MDH1: variants seen among roughly 807,000 people sequenced by gnomAD.
The protein encoded by MDH1 is malate dehydrogenase 1, also known as malate dehydrogenase, cytoplasmic.
MDH1 carries 15 observed loss-of-function variants against 38.7 expected under a neutral mutation model. The ratio of observed to expected loss-of-function variants is 0.39; its 90% CI spans 0.26 to 0.60. The LOEUF (loss-of-function observed/expected upper bound fraction) is 0.60. MDH1 is among the 20% of genes least tolerant of loss of function. MDH1 has a pLI of 0.56. For synonymous variants in MDH1, 144 were observed against 143.6 expected, an observed-to-expected ratio of 1.00 and a Z score of -0.02; for missense variants, 368 against 405.2, an observed-to-expected ratio of 0.91 and a Z score of 0.79.
At chr2:63,595,646 CACTGTTTATT>C (rs1709296123) in intron 3 of MDH1, 127 bp downstream of exon 3, 1 of 646,132 alleles carries the variant, frequency 1.5e-6, no homozygotes, top group African/African-American at 1.8e-5. Context: ...TTTGAACTAC[CACTGTTTATT>C]AACTACTTAT....
chr2:63,606,149 A>C, intron 8 of MDH1, 121 bp downstream of exon 8: 1 of 935,452 alleles, frequency 1.1e-6, no homozygotes, highest in South Asian at 1.4e-5. Flanking sequence ...TGGAAGGGCA[A>C]GGTGGCAAGA....
At chr2:63,590,193 T>C (rs941965087) in intron 1 of MDH1, 1 of 152,224 alleles carries the variant, frequency 6.6e-6, no homozygotes, top group Non-Finnish European at 1.5e-5. Context: ...GCAGAGGTAC[T>C]TATTATCTGA....
intron 1 of MDH1, 59 bp downstream of exon 1, chr2:63,589,105 T>G: frequency 1.9e-6 from 3 of 1,614,228 alleles, no homozygotes; most frequent in Non-Finnish European, 2.5e-6. Flanking sequence ...GAGTGGGGTT[T>G]CTTGCACTTT....
intron 5 of MDH1, among the ~76,000 whole-genome samples, chr2:63,603,980 T>G (rs1184420513): frequency 7.9e-5 from 12 of 152,230 alleles, no homozygotes; most frequent in Admixed American, 7.8e-4. Flanking sequence ...TCTAACCTTT[T>G]TTGTGGCTAC....
At position 63,605,333 on chromosome 2, in the gene MDH1, C is replaced by T; in HGVS notation, c.729C>T (p.Ala243=). 2 of 1,614,186 alleles carry T rather than the reference C, an allele frequency of 1.2e-6. No homozygotes were observed. Among genetic ancestry groups the T allele is most frequent in the East Asian group, 2.2e-5 (1 of 44,886 alleles). The change falls in exon 7 of 9, where the codon GCC becomes GCT. Residue 243 remains alanine, a synonymous_variant. Coordinates refer to ENST00000233114, the MANE Select transcript of MDH1 (RefSeq NM_005917.4). Reference sequence around the variant, plus strand: ...TCAAGGCTCGAAAACTATCCAGTGCCATGTCTGCTGCAAAAGCCATCTGTG... The same window carrying T: ...TCAAGGCTCGAAAACTATCCAGTGCTATGTCTGCTGCAAAAGCCATCTGTG... The part of the protein sequence containing the change: ...AVIKARKLSS[A]MSAAKAICDH...
At chr2:63,592,009 G>C (rs1248456887) in intron 1 of MDH1, among the ~76,000 whole-genome samples, 2 of 152,146 alleles carry the variant, frequency 1.3e-5, no homozygotes, top group Admixed American at 1.3e-4. Flanking sequence ...CTTGAACACA[G>C]AAAGTCTGGC....
intron 8 of MDH1, among the ~76,000 whole-genome samples, 179 bp from the exon 9 acceptor site, chr2:63,606,683 T>C (rs1276784408): frequency 6.6e-6 from 1 of 152,036 alleles, no homozygotes; most frequent in African/African-American, 2.4e-5. Context: ...ATTCAAGGGG[T>C]TTAAAATTCA....
In MDH1 at chr2:63,607,033, TGTC is replaced by T; in HGVS notation, c.*50_*52del. 1.3e-6 allele frequency: 2 copies of T among 1,562,690 alleles called. No individual in the cohort carries two copies. Among genetic ancestry groups the T allele is most frequent in the South Asian group, 1.2e-5 (1 of 83,022 alleles). ...ATGCTTCAAAGCTGAAGAATCTAAA[TGTC>T]GTCTTTGACTCAAGTACCAAATAAT... On this transcript the variant is annotated 3_prime_UTR_variant, in exon 9 of 9. Coordinates refer to ENST00000233114, the MANE Select transcript of MDH1 (RefSeq NM_005917.4).
intron 3 of MDH1, 123 bp downstream of exon 3, chr2:63,595,642 C>A: frequency 1.5e-6 from 1 of 651,120 alleles, no homozygotes; most frequent in Admixed American, 2.7e-5. Flanking sequence ...TTATTTTGAA[C>A]TACCACTGTT....
In MDH1 at chr2:63,605,536, G is replaced by T. The variant is rs1298798474; in HGVS notation, c.789+143G>T. ...TGCCTATTAACAAGTAAACTTCGGG[G>T]TTTGTTAGCCTTGACCTTTCTGAGC... On this transcript the variant is annotated intron_variant, in intron 7 of 8. Coordinates refer to ENST00000233114, the MANE Select transcript of MDH1 (RefSeq NM_005917.4). 4.6e-6 allele frequency: 3 copies of T among 654,596 alleles called. No homozygotes were observed. The East Asian group carries it at 8.2e-5, about 18-fold the overall frequency. 40.5% of individuals were successfully genotyped at this position (654,596 alleles called of 1,614,324 possible).
Position 63,598,565 on chromosome 2 carries a change from A to G in MDH1, c.376-605A>G, listed in dbSNP as rs1709360865. Among the ~76,000 whole-genome samples, 3 of 152,212 alleles carry G rather than the reference A, an allele frequency of 2.0e-5. No individual in the cohort carries two copies. The South Asian group carries it at 6.2e-4, about 32-fold the overall frequency. ...AAAAAAGGTGAAAGAAAATTTTTTA[A>G]GATTTTTTAAGTTGCCCATTATAAT... On this transcript the variant is annotated intron_variant, in intron 4 of 8. Transcript: ENST00000233114.
Position 63,599,221 on chromosome 2 carries a change from T to A in MDH1, c.427T>A (p.Ser143Thr). The change falls in exon 5 of 9, where the codon TCA becomes ACA. Residue 143 changes from serine to threonine, a missense_variant. Ser to Thr is a moderately conservative substitution (Grantham distance 58). Transcript: ENST00000233114. ...ANTNCLTASK[S>T]APSIPKENFS... ...TACCAACTGCCTGACTGCTTCCAAG[T>A]CAGCTCCATCCATCCCCAAGGAGAA... The A allele has an allele frequency of 6.2e-7, 1 of 1,613,850 alleles. No individual in the cohort carries two copies. Among genetic ancestry groups the A allele is most frequent in the Non-Finnish European group, 8.5e-7 (1 of 1,179,788 alleles).
At chr2:63,594,401 T>C (rs933411755) in intron 1 of MDH1, 87 bp from the exon 2 acceptor site, 7 of 991,664 alleles carry the variant, frequency 7.1e-6, no homozygotes, top group African/African-American at 1.6e-5. Flanking sequence ...TTTTAAAGTA[T>C]GTGGATTTCT....
At chr2:63,590,722 C>G (rs1709181043) in intron 1 of MDH1, 1 of 152,166 alleles carries the variant, frequency 6.6e-6, no homozygotes, top group Admixed American at 6.5e-5. Context: ...AAGGCCCCAC[C>G]GTTGGAAGGT....
chr2:63,589,316 C>G (rs945675870), intron 1 of MDH1: 1 of 1,550,642 alleles, frequency 6.4e-7, no homozygotes, highest in African/African-American at 1.4e-5. Flanking sequence ...TGCTGCATGA[C>G]GGGAGGACAA....
chr2:63,595,287 C>T (rs892305773), intron 2 of MDH1, 136 bp from the exon 3 acceptor site: 1 of 697,410 alleles, frequency 1.4e-6, no homozygotes, highest in Non-Finnish European at 2.6e-6. Context: ...GATACCTGAC[C>T]TCCTAAAATA....
intron 1 of MDH1, 174 bp from the exon 2 acceptor site, chr2:63,594,314 A>G (rs753275679): frequency 2.8e-6 from 2 of 719,406 alleles, no homozygotes; most frequent in Non-Finnish European, 5.2e-6. Flanking sequence ...TGAGAGTTAA[A>G]TAACACCACG....
At chr2:63,600,874 C>T (rs569596293) in intron 5 of MDH1, among the ~76,000 whole-genome samples, 1 of 152,230 alleles carries the variant, frequency 6.6e-6, no homozygotes, top group East Asian at 1.9e-4. Flanking sequence ...CTCTGGATTG[C>T]CAGAAAGTGA....
chr2:63,594,174 C>G (rs1363554767), intron 1 of MDH1: 59 of 495,650 alleles, frequency 1.2e-4, no homozygotes. Flanking sequence ...CTAGTGGCTG[C>G]CAGGGTTTGG....
Sources: gnomAD v4.1 joint callset for allele counts (sites outside exome capture counted in the v4.1 genomes callset) on GRCh38, gnomAD v4.1.1 for gene constraint, MANE v1.5 for transcripts, NCBI Gene and HGNC (gene_info 2026-07-23, HGNC 2026-07-21) for gene names.